The following MIOS variants were observed in gnomAD, a reference collection of about 807,000 sequenced individuals.
MIOS encodes GATOR2 complex protein MIOS.
A neutral mutation model predicts 96.9 loss-of-function variants in MIOS; 52 were observed. The ratio of observed to expected loss-of-function variants is 0.54; its 90% CI spans 0.43 to 0.68. The LOEUF is 0.68. MIOS is among the 30% of genes least tolerant of loss of function. The pLI is 0.00. For synonymous variants in MIOS, 397 were observed against 359.5 expected, an observed-to-expected ratio of 1.10 and a Z score of -1.18; for missense variants, 1,005 against 1,052.8, an observed-to-expected ratio of 0.95 and a Z score of 0.63.
intron 11 of MIOS, 122 bp from the exon 12 acceptor site, chr7:7,605,820 A>T: frequency 1.0e-6 from 1 of 991,146 alleles, no homozygotes; most frequent in South Asian, 2.0e-5. Context: ...TACCATCAAA[A>T]TTGCTATTTC....
At chr7:7,600,011 G>A (rs537033972) in intron 11 of MIOS, among the ~76,000 whole-genome samples, 1 of 152,046 alleles carries the variant, frequency 6.6e-6, no homozygotes, top group Non-Finnish European at 1.5e-5. Flanking sequence ...AGACACCAGG[G>A]CTTACTGGAG....
Position 7,573,462 on chromosome 7 carries a change from G to A in MIOS, c.987G>A (p.Ala329=), listed in dbSNP as rs774722992. Residue 329 remains alanine, a synonymous_variant, in exon 4 of 13, where the codon GCG becomes GCA. Transcript: ENST00000340080. This position sits in a 1 kb window ranked among gnomAD's most constrained non-coding sequence, Gnocchi z 5.0. ...QPCDNYIASF[A]WHPTSQNRMI... The stretch of plus-strand genomic sequence containing the variant: ...GTGACAATTACATTGCTTCCTTTGC[G>A]TGGCATCCAACAAGTCAAAATCGAA... 2.8e-5 allele frequency: 45 copies of A among 1,613,918 alleles called. No individual in the cohort carries two copies. The East Asian group carries it at 7.8e-4, about 28-fold the overall frequency.
In MIOS at chr7:7,607,038, T is replaced by C. The variant is rs1185287427; in HGVS notation, c.2574T>C (p.Cys858=). 6.2e-7 allele frequency: 1 copy of C among 1,613,284 alleles called. No individual in the cohort carries two copies. Among genetic ancestry groups the C allele is most frequent in the Admixed American group, 1.7e-5 (1 of 59,876 alleles). Residue 858 remains cysteine (C), a synonymous_variant, in exon 13 of 13, where the codon TGT becomes TGC. Coordinates refer to ENST00000340080, the MANE Select transcript of MIOS (RefSeq NM_019005.4). ...CTGTGTCGGCATGCACGTGTAAATG[T>C]ATGCAGTTGGATACAACAGGGAATC... The part of the protein sequence containing the change: ...ECPVSACTCK[C]MQLDTTGNLV...
At chr7:7,568,203 G>GA (rs1783219602) in intron 3 of MIOS, 80 bp downstream of exon 3, 1 of 152,076 alleles carries the variant, frequency 6.6e-6, no homozygotes, top group African/African-American at 2.4e-5. Flanking sequence ...CCAAAATTTG[G>GA]AAAAAACATT....
intron 9 of MIOS, among the ~76,000 whole-genome samples, chr7:7,593,896 G>GAAA (rs1362952099): frequency 7.8e-6 from 1 of 127,572 alleles, no homozygotes; most frequent in East Asian, 2.3e-4. Flanking sequence ...AAAAAAAAAA[G>GAAA]AAAAAGAAAA....
At chr7:7,599,566 G>A (rs1278948538) in intron 11 of MIOS, among the ~76,000 whole-genome samples, 2 of 152,194 alleles carry the variant, frequency 1.3e-5, no homozygotes, top group African/African-American at 2.4e-5. Flanking sequence ...CGTCCAGGTT[G>A]CAGACCAAGT....
chr7:7,586,637 A>T (rs949450678), intron 7 of MIOS, among the ~76,000 whole-genome samples: 3 of 152,240 alleles, frequency 2.0e-5, no homozygotes, highest in Non-Finnish European at 4.4e-5. Flanking sequence ...TTGTAAAAAT[A>T]TGTATTTTAT....
At chr7:7,585,311 C>A (rs1172575763) in intron 6 of MIOS, among the ~76,000 whole-genome samples, 1 of 152,030 alleles carries the variant, frequency 6.6e-6, no homozygotes, top group Non-Finnish European at 1.5e-5. Context: ...ATCTGCTTCC[C>A]TGCACAGAGT....
chr7:7,604,200 A>C (rs1342986912), intron 11 of MIOS, among the ~76,000 whole-genome samples: 2 of 152,186 alleles, frequency 1.3e-5, no homozygotes, highest in Admixed American at 6.5e-5. Context: ...TGTACCCTAA[A>C]ACTTTAATAA....
At chr7:7,600,990 G>T (rs1784359344) in intron 11 of MIOS, among the ~76,000 whole-genome samples, 1 of 152,068 alleles carries the variant, frequency 6.6e-6, no homozygotes, top group Non-Finnish European at 1.5e-5. Flanking sequence ...CGAAATGAAG[G>T]CAGAAATAAA....
chr7:7,579,338 A>G (rs1783637796), intron 5 of MIOS, among the ~76,000 whole-genome samples: 1 of 152,226 alleles, frequency 6.6e-6, no homozygotes, highest in Non-Finnish European at 1.5e-5. Context: ...CATGCAGGAC[A>G]TATTAATATT....
At chr7:7,604,967 A>T (rs925526570) in intron 11 of MIOS, among the ~76,000 whole-genome samples, 1 of 152,020 alleles carries the variant, frequency 6.6e-6, no homozygotes, top group Non-Finnish European at 1.5e-5. Context: ...TTCAGGAGTA[A>T]TTCTAGTGTG....
At chr7:7,604,258 C>G (rs1390013632) in intron 11 of MIOS, among the ~76,000 whole-genome samples, 1 of 151,956 alleles carries the variant, frequency 6.6e-6, no homozygotes, top group Admixed American at 6.6e-5. Context: ...GCTCGAGTAT[C>G]TAAACCTCCC....
At chr7:7,588,349 G>C (rs1783950445) in intron 7 of MIOS, 149 bp from the exon 8 acceptor site, 4 of 420,322 alleles carry the variant, frequency 9.5e-6, no homozygotes, top group African/African-American at 8.2e-5. Context: ...GGCATCTCAG[G>C]CAATTAATGG....
intron 11 of MIOS, among the ~76,000 whole-genome samples, chr7:7,600,048 A>C (rs1784324459): frequency 6.6e-6 from 1 of 152,072 alleles, no homozygotes; most frequent in African/African-American, 2.4e-5. Flanking sequence ...AGGATCGAAA[A>C]ACTACCTGTC....
rs28674483 is a variant in MIOS at position 7,596,124 on chromosome 7, G to A, written c.2197-133G>A. The A allele has an allele frequency of 0.013, 9,911 of 750,992 alleles. 683 individuals carry two copies. The African/African-American group carries it at 0.16, about 12-fold the overall frequency. The allele number at this position is 750,992 out of a possible 1,614,324, so 46.5% of individuals were successfully genotyped here. On this transcript the variant is annotated intron_variant, in intron 10 of 12. Transcript: ENST00000340080. Reference sequence around the variant, plus strand: ...TTTAAATGAAAGCTAGTCAACCTTAGCAGATCAATTTTGAAATATAAAATA... The same window carrying A: ...TTTAAATGAAAGCTAGTCAACCTTAACAGATCAATTTTGAAATATAAAATA...
chr7:7,596,303 G>A lies in MIOS; in HGVS notation c.2243G>A (p.Cys748Tyr). 7 of 1,614,066 alleles carry A rather than the reference G, an allele frequency of 4.3e-6. No homozygotes were observed. The highest frequency in any genetic ancestry group is 5.9e-6 in the Non-Finnish European group (7 of 1,180,004). The change falls in exon 11 of 13, where the codon TGT becomes TAT. Residue 748 changes from cysteine (C) to tyrosine (Y), a missense_variant. Around this residue, in one of 3 missense-constraint regions of MIOS, gnomAD observed 865 missense variants for 887.9 expected, o/e 0.97. Transcript: ENST00000340080. ...TGTGGCAAGTCAATCTCCTACAGCT[G>A]TTCAGCTGTGCCTCATCAGGGCAGA... ...NFCGKSISYS[C>Y]SAVPHQGRGF...
In MIOS at chr7:7,572,567, A is replaced by T. The variant is rs1408494614; in HGVS notation, c.92A>T (p.Glu31Val). The T allele has an allele frequency of 1.2e-6, 2 of 1,614,056 alleles. No individual in the cohort carries two copies. The highest frequency in any genetic ancestry group is 4.5e-5 in the East Asian group (2 of 44,864). ...CDSELSLYHV[E>V]STVNSELKAG... Reference sequence around the variant, plus strand: ...TCAGAACTAAGTCTTTATCATGTGGAATCTACTGTGAATTCAGAACTCAAA... The same window carrying T: ...TCAGAACTAAGTCTTTATCATGTGGTATCTACTGTGAATTCAGAACTCAAA... Residue 31 changes from glutamate to valine, a missense_variant, in exon 4 of 13, where the codon GAA becomes GTA. Coordinates refer to ENST00000340080, the MANE Select transcript of MIOS (RefSeq NM_019005.4). This position sits in a 1 kb window ranked among gnomAD's most constrained non-coding sequence, Gnocchi z 4.8.
At chr7:7,598,596 T>C (rs1298268622) in intron 11 of MIOS, among the ~76,000 whole-genome samples, 1 of 152,144 alleles carries the variant, frequency 6.6e-6, no homozygotes, top group Admixed American at 6.5e-5. Flanking sequence ...AGGTAAAATA[T>C]AGCATAAATA....
Sources: gnomAD v4.1 joint callset for allele counts (sites outside exome capture counted in the v4.1 genomes callset) on GRCh38, gnomAD v4.1.1 for gene constraint, gnomAD v4.1.1 regional missense constraint, Gnocchi (gnomAD v3.1) non-coding constraint, MANE v1.5 for transcripts, NCBI Gene and HGNC (gene_info 2026-07-23, HGNC 2026-07-21) for gene names.